The following DLG2 variants were observed in gnomAD, a reference collection of about 807,000 sequenced individuals.
The protein encoded by DLG2 is disks large homolog 2.
In DLG2, 45 loss-of-function variants were observed where a neutral mutation model predicts 132.5. The observed-to-expected ratio is 0.34, with a 90% confidence interval of 0.27 to 0.44. The LOEUF is 0.44. Among genes scored for constraint, DLG2 ranks in the 20% least tolerant of loss-of-function variants. The pLI is 1.00. For missense variants in DLG2, 1,045 were observed against 1,196.9 expected (o/e 0.87, Z 1.87); for synonymous variants, 424 against 419.6 (o/e 1.01, Z -0.13).
intron 17 of DLG2, chr11:83,790,141 T>A: frequency 3.5e-6 from 3 of 853,650 alleles, no homozygotes; most frequent in Non-Finnish European, 5.6e-6. Context: ...AAGTTGCAGA[T>A]CCAGGCAGCT....
At chr11:84,232,530 A>T (rs1022637202) in intron 8 of DLG2, among the ~76,000 whole-genome samples, 1 of 152,194 alleles carries the variant, frequency 6.6e-6, no homozygotes, top group South Asian at 2.1e-4. Flanking sequence ...GAATTTTCAG[A>T]TGGGGACAAT....
chr11:83,700,049 G>T (rs1293719986), intron 18 of DLG2, among the ~76,000 whole-genome samples: 1 of 151,630 alleles, frequency 6.6e-6, no homozygotes, highest in Non-Finnish European at 1.5e-5. Context: ...TGAGACGAAT[G>T]AGGGCAGGAG....
At chr11:85,463,022 G>A (rs962268078) in intron 3 of DLG2, among the ~76,000 whole-genome samples, 1 of 152,144 alleles carries the variant, frequency 6.6e-6, no homozygotes, top group Non-Finnish European at 1.5e-5. Flanking sequence ...TGCCCAAGGG[G>A]AGATCCTTCA....
intron 6 of DLG2, among the ~76,000 whole-genome samples, chr11:85,030,276 G>A (rs1043092662): frequency 2.6e-5 from 4 of 152,124 alleles, no homozygotes; most frequent in African/African-American, 4.8e-5. Context: ...ACATAGGTTC[G>A]CTAAGTCAGT....
At chr11:84,866,478 CGAG>C (rs1373088853) in intron 6 of DLG2, among the ~76,000 whole-genome samples, 1 of 152,088 alleles carries the variant, frequency 6.6e-6, no homozygotes, top group Non-Finnish European at 1.5e-5. Context: ...AATCAGAGTG[CGAG>C]GAGGTGTGAG....
chr11:85,424,057 G>A (rs427339), intron 3 of DLG2, among the ~76,000 whole-genome samples: 1,808 of 152,140 alleles, frequency 0.012, 112 homozygotes, highest in Admixed American at 0.11. Flanking sequence ...AGGACCCCAT[G>A]AGGCCAGGCA....
intron 8 of DLG2, among the ~76,000 whole-genome samples, chr11:84,207,546 A>G (rs972618099): frequency 3.3e-5 from 5 of 152,124 alleles, no homozygotes; most frequent in Non-Finnish European, 7.4e-5. Context: ...GGGGAAAGAA[A>G]CATCTTTTTG....
chr11:85,185,569 G>A (rs181784446), intron 4 of DLG2, among the ~76,000 whole-genome samples: 1 of 151,840 alleles, frequency 6.6e-6, no homozygotes, highest in East Asian at 1.9e-4. Context: ...ATGACTCCAT[G>A]CATTTTTGTA....
intron 21 of DLG2, among the ~76,000 whole-genome samples, chr11:83,522,528 GA>G (rs11304319): frequency 0.5 from 73,921 of 149,240 alleles, 18,522 homozygotes; most frequent in Middle Eastern, 0.59. Context: ...ACAACCTATA[GA>G]AAAAAAAAAA....
At chr11:84,890,772 T>C (rs1943735) in intron 6 of DLG2, 126,384 of 152,182 alleles carry the variant, frequency 0.83, 53,420 homozygotes, top group Middle Eastern at 0.96. Context: ...ATTTGGGCTG[T>C]GGCAGACTGA....
chr11:84,014,824 T>G (rs988340655), intron 11 of DLG2, among the ~76,000 whole-genome samples: 7 of 148,982 alleles, frequency 4.7e-5, no homozygotes, highest in Non-Finnish European at 1.0e-4. Flanking sequence ...TACATCCTAA[T>G]CCTGATACAG....
At position 85,369,208 on chromosome 11, in the gene DLG2, C is replaced by T. The variant is rs183670305; in HGVS notation, c.41-83843G>A. Among the ~76,000 whole-genome samples the T allele has an allele frequency of 1.9e-4, 29 of 152,178 alleles. No individual in the cohort carries two copies. The East Asian group carries it at 5.2e-3, about 28-fold the overall frequency. On this transcript the variant is annotated intron_variant, in intron 3 of 27. Transcript: ENST00000376104. ...CAGGATGGACAGGCAAGCGGGGTCTCCTTGCTCCCCCTCCCCTCTGTGTGG... is the reference window on the plus strand; with the variant it reads ...CAGGATGGACAGGCAAGCGGGGTCTTCTTGCTCCCCCTCCCCTCTGTGTGG...
At chr11:85,251,955 A>G (rs998814348) in intron 4 of DLG2, among the ~76,000 whole-genome samples, 3 of 152,192 alleles carry the variant, frequency 2.0e-5, no homozygotes, top group African/African-American at 7.2e-5. Flanking sequence ...TAAAACCTGG[A>G]TCTGCTATAA....
intron 7 of DLG2, among the ~76,000 whole-genome samples, chr11:84,305,730 A>G (rs1246116735): frequency 2.0e-5 from 3 of 152,140 alleles, no homozygotes; most frequent in African/African-American, 7.2e-5. Context: ...GAGGAATGAT[A>G]GATATAAACT....
chr11:85,503,507 C>T (rs1375543894), intron 3 of DLG2, among the ~76,000 whole-genome samples: 1 of 152,002 alleles, frequency 6.6e-6, no homozygotes, highest in Non-Finnish European at 1.5e-5. Flanking sequence ...AACTTATCTC[C>T]AATATGACAG....
At chr11:84,483,986 T>C (rs1474692483) in intron 7 of DLG2, among the ~76,000 whole-genome samples, 1 of 152,064 alleles carries the variant, frequency 6.6e-6, no homozygotes, top group African/African-American at 2.4e-5. Context: ...TTTATGAGAG[T>C]ATAGGCATCT....
intron 3 of DLG2, among the ~76,000 whole-genome samples, chr11:85,462,200 G>T (rs904092244): frequency 2.6e-5 from 4 of 152,204 alleles, no homozygotes; most frequent in African/African-American, 9.7e-5. Context: ...TACACTGTTG[G>T]TGGGACGGTA....
intron 19 of DLG2, among the ~76,000 whole-genome samples, chr11:83,623,683 A>C (rs916771993): frequency 2.0e-5 from 3 of 152,262 alleles, no homozygotes; most frequent in African/African-American, 7.2e-5. Context: ...CTAATCAAAA[A>C]GTTCATTCCA....
chr11:84,431,465 G>T (rs1355094500), intron 7 of DLG2, among the ~76,000 whole-genome samples: 2 of 151,968 alleles, frequency 1.3e-5, no homozygotes, highest in Non-Finnish European at 2.9e-5. Context: ...AGTCTGGAAG[G>T]CTTCTTAAGT....
Sources: allele counts gnomAD v4.1 joint callset (sites outside exome capture counted in the v4.1 genomes callset), GRCh38; gene constraint gnomAD v4.1.1; transcripts MANE v1.5; gene names NCBI Gene and HGNC (gene_info 2026-07-23, HGNC 2026-07-21).